The following GPATCH8 variants were observed in gnomAD, a reference collection of about 807,000 sequenced individuals.
The protein encoded by GPATCH8 is G-patch domain containing 8, also known as G patch domain-containing protein 8.
A neutral mutation model predicts 118.3 loss-of-function variants in GPATCH8; 18 were observed. The ratio of observed to expected loss-of-function variants is 0.15; its 90% confidence interval spans 0.11 to 0.23. The LOEUF is 0.23. Ranked by LOEUF, GPATCH8 falls within the 10% of genes least tolerant of loss-of-function variation. The pLI, the probability that GPATCH8 is intolerant of heterozygous loss-of-function variation, is 1.00. For missense variants in GPATCH8, 1,631 were observed against 1,873.8 expected (o/e 0.87, Z 2.39); for synonymous variants, 659 against 684.7 (o/e 0.96, Z 0.59).
intron 3 of GPATCH8, among the ~76,000 whole-genome samples, chr17:44,445,041 T>A (rs984028726): frequency 6.6e-6 from 1 of 152,202 alleles, no homozygotes; most frequent in Non-Finnish European, 1.5e-5. Flanking sequence ...TATCACTATA[T>A]TAGAAAGGTC....
intron 1 of GPATCH8, among the ~76,000 whole-genome samples, chr17:44,494,579 C>T (rs1278493158): frequency 1.4e-4 from 22 of 151,980 alleles, no homozygotes; most frequent in Admixed American, 1.2e-3. Context: ...GCAATGAGAG[C>T]GAAACTTCAC....
intron 3 of GPATCH8, among the ~76,000 whole-genome samples, chr17:44,463,353 C>T (rs2051635578): frequency 6.6e-6 from 1 of 152,188 alleles, no homozygotes; most frequent in Admixed American, 6.5e-5. Flanking sequence ...TAAGCTCCCG[C>T]ATGACCAGAT....
At chr17:44,421,402 G>C (rs1224514774) in intron 6 of GPATCH8, among the ~76,000 whole-genome samples, 3 of 151,904 alleles carry the variant, frequency 2.0e-5, no homozygotes. Flanking sequence ...GTCTCGCTCT[G>C]TCACCCAGGC....
At chr17:44,440,684 A>G (rs1185681018) in intron 3 of GPATCH8, among the ~76,000 whole-genome samples, 1 of 152,252 alleles carries the variant, frequency 6.6e-6, no homozygotes, top group Admixed American at 6.5e-5. Context: ...AACTAAAGAA[A>G]GAATACAGTC....
Position 44,400,550 on chromosome 17 carries a change from C to T in GPATCH8, c.1527G>A (p.Glu509=). The change falls in exon 8 of 8, where the codon GAG becomes GAA. Residue 509 remains glutamate (E), a synonymous_variant. Coordinates refer to ENST00000591680, the MANE Select transcript of GPATCH8 (RefSeq NM_001002909.4). ...GAGAGGTTTCTTTAGAAGAGTTGGA[C>T]TCACACATTTGGGTCTCTGAAACCT... ...SQKVSETQMC[E]SNSSKETSLA... The T allele has an allele frequency of 6.2e-7, 1 of 1,614,096 alleles. No individual in the cohort carries two copies. Among genetic ancestry groups the T allele is most frequent in the Non-Finnish European group, 8.5e-7 (1 of 1,179,942 alleles).
intron 1 of GPATCH8, 104 bp downstream of exon 1, chr17:44,503,222 A>T: frequency 9.3e-7 from 1 of 1,073,226 alleles, no homozygotes; most frequent in Non-Finnish European, 1.4e-6. Flanking sequence ...CTGGTTCGCA[A>T]GTCGGAGCAA....
At chr17:44,418,514 G>A (rs1042393701) in intron 6 of GPATCH8, among the ~76,000 whole-genome samples, 3 of 151,442 alleles carry the variant, frequency 2.0e-5, no homozygotes, top group Admixed American at 2.0e-4. Flanking sequence ...GAGTGCAGTG[G>A]CATGATCTTG....
intron 3 of GPATCH8, among the ~76,000 whole-genome samples, chr17:44,447,027 G>A (rs2050910302): frequency 6.6e-6 from 1 of 151,894 alleles, no homozygotes; most frequent in African/African-American, 2.4e-5. Flanking sequence ...GTAGAGATGG[G>A]GTTTCACCAT....
intron 5 of GPATCH8, among the ~76,000 whole-genome samples, chr17:44,430,291 A>C (rs1167408716): frequency 6.6e-6 from 1 of 152,150 alleles, no homozygotes; most frequent in Non-Finnish European, 1.5e-5. Context: ...ATGCTATCAA[A>C]CCAAATTCAA....
chr17:44,448,508 G>T (rs867305631), intron 3 of GPATCH8, among the ~76,000 whole-genome samples: 3 of 117,918 alleles, frequency 2.5e-5, no homozygotes, highest in South Asian at 3.6e-4. Context: ...AAAAAAGGGG[G>T]GGGGGGGAAG....
Position 44,427,749 on chromosome 17 carries a change from T to C in GPATCH8, c.349-3257A>G, listed in dbSNP as rs2050140549. ...TGAAGCCACATACTAAGAATGGCCA[T>C]TTTACTTATTAACATTATATGATAG... is the stretch of plus-strand genomic sequence containing the variant. On this transcript the variant is annotated intron_variant, in intron 5 of 7. Coordinates refer to ENST00000591680, the MANE Select transcript of GPATCH8 (RefSeq NM_001002909.4). Among the ~76,000 whole-genome samples the C allele has an allele frequency of 2.0e-5, 3 of 152,182 alleles. No homozygotes were observed. The South Asian group carries it at 6.2e-4, about 31-fold the overall frequency.
chr17:44,491,420 A>G (rs1426730963), intron 1 of GPATCH8, among the ~76,000 whole-genome samples: 4 of 150,798 alleles, frequency 2.7e-5, no homozygotes, highest in Non-Finnish European at 4.4e-5. Flanking sequence ...TCTGGGAGGC[A>G]GAGACTGCAG....
intron 1 of GPATCH8, among the ~76,000 whole-genome samples, chr17:44,479,690 T>A (rs936263325): frequency 6.6e-6 from 1 of 152,166 alleles, no homozygotes; most frequent in Non-Finnish European, 1.5e-5. Context: ...AATTGATGGC[T>A]GGGCAAGGTG....
At chr17:44,482,752 T>TA (rs1419224378) in intron 1 of GPATCH8, among the ~76,000 whole-genome samples, 9 of 151,972 alleles carry the variant, frequency 5.9e-5, no homozygotes, top group African/African-American at 2.2e-4. Flanking sequence ...TAGAAATCCA[T>TA]ATCAAATAAG....
intron 2 of GPATCH8, among the ~76,000 whole-genome samples, chr17:44,472,317 T>A (rs1439925008): frequency 1.3e-5 from 2 of 152,206 alleles, no homozygotes; most frequent in African/African-American, 4.8e-5. Flanking sequence ...CAATGATTAC[T>A]CAATTAGACT....
At chr17:44,445,502 C>CT (rs113545278) in intron 3 of GPATCH8, among the ~76,000 whole-genome samples, 70 of 146,476 alleles carry the variant, frequency 4.8e-4, no homozygotes, top group Middle Eastern at 3.5e-3. Flanking sequence ...ATTTCTTTTT[C>CT]TTTTTTTTTT....
At chr17:44,458,909 T>G (rs2051442928) in intron 3 of GPATCH8, among the ~76,000 whole-genome samples, 1 of 152,232 alleles carries the variant, frequency 6.6e-6, no homozygotes, top group South Asian at 2.1e-4. Flanking sequence ...AGATAATAAT[T>G]CTACCATTGT....
intron 1 of GPATCH8, among the ~76,000 whole-genome samples, chr17:44,494,334 G>A (rs971397201): frequency 1.3e-5 from 2 of 152,102 alleles, no homozygotes; most frequent in Non-Finnish European, 2.9e-5. Context: ...GCTCACACCC[G>A]TAATCCCAGC....
Position 44,397,157 on chromosome 17 carries a change from C to G in GPATCH8, c.*411G>C, listed in dbSNP as rs1408813683. 1 of 457,916 alleles carries G rather than the reference C, an allele frequency of 2.2e-6. No individual in the cohort carries two copies. Among genetic ancestry groups the G allele is most frequent in the African/African-American group, 2.0e-5 (1 of 50,146 alleles). The allele number at this position is 457,916 out of a possible 1,614,324, so 28.4% of individuals were successfully genotyped here. On this transcript the variant is annotated 3_prime_UTR_variant, in exon 8 of 8. Coordinates refer to ENST00000591680, the MANE Select transcript of GPATCH8 (RefSeq NM_001002909.4). ...GCTGAGAAGGCAAGACCAGATGGGC[C>G]CACAGCAAGTGCTCTGGTGACAACC...
Sources: allele counts gnomAD v4.1 joint callset (sites outside exome capture counted in the v4.1 genomes callset), GRCh38; gene constraint gnomAD v4.1.1; transcripts MANE v1.5; gene names NCBI Gene and HGNC (gene_info 2026-07-23, HGNC 2026-07-21).